The following TICAM2 variants were observed in gnomAD, a reference collection of about 807,000 sequenced individuals.
TICAM2 encodes the protein TIR domain-containing adapter molecule 2.
In TICAM2, 8 loss-of-function variants were observed where a neutral mutation model predicts 7.3. The ratio of observed to expected loss-of-function variants is 1.10; its 90% CI spans 0.65 to 1.99. The LOEUF (loss-of-function observed/expected upper bound fraction) is 1.99, where lower values mean the gene tolerates loss of function less well. TICAM2 is among the 30% of genes most tolerant of loss of function. The pLI is 0.00. For missense variants in TICAM2, 304 were observed against 278.8 expected (o/e 1.09, Z -0.65); for synonymous variants, 113 against 99.6 (o/e 1.13, Z -0.80).
rs1754916043 is a variant in TICAM2, at chr5:115,581,334, CAGA to C, written c.-59-22_-59-20del. On this transcript the variant is annotated intron_variant, in intron 1 of 1. Transcript: ENST00000427199. ...TTTCAATCTAAAAGAAGTAACAAAA[CAGA>C]AGAATATTATAAATTTAATCAAAAC... The C allele has an allele frequency of 1.9e-6, 3 of 1,572,524 alleles. No homozygotes were observed. The highest frequency in any genetic ancestry group is 1.1e-5 in the South Asian group (1 of 87,888).
At chr5:115,596,145 C>G (rs974204084) in intron 1 of TICAM2, among the ~76,000 whole-genome samples, 1 of 152,184 alleles carries the variant, frequency 6.6e-6, no homozygotes, top group Non-Finnish European at 1.5e-5. Context: ...TCCTGTGTAT[C>G]TAACTCTAAC....
intron 1 of TICAM2, among the ~76,000 whole-genome samples, chr5:115,597,290 C>T (rs755782014): frequency 1.3e-5 from 2 of 152,134 alleles, no homozygotes; most frequent in Non-Finnish European, 2.9e-5. Context: ...GCTTAGCTTT[C>T]TCTTGTCATG....
In TICAM2 at chr5:115,580,905, C is replaced by T. The variant is rs772999778; in HGVS notation, c.352G>A (p.Gly118Ser). Residue 118 changes from glycine (G) to serine (S), a missense_variant, in exon 2 of 2, where the codon GGC (glycine) becomes AGC (serine). Physicochemically the swap from Gly to Ser is moderately conservative, Grantham distance 56 (BLOSUM62 0). Coordinates refer to ENST00000427199, the MANE Select transcript of TICAM2 (RefSeq NM_021649.7). ...TCTAAATTCTGTAAATGCTGTCTGCCACATGGCATCTCAGCAAAGATTATT... is the reference window on the plus strand; with the variant it reads ...TCTAAATTCTGTAAATGCTGTCTGCTACATGGCATCTCAGCAAAGATTATT... The part of the protein sequence containing the change: ...PGIIFAEMPC[G>S]RQHLQNLDDA... The T allele has an allele frequency of 2.5e-6, 4 of 1,613,784 alleles. No homozygotes were observed. The highest frequency in any genetic ancestry group is 3.4e-6 in the Non-Finnish European group (4 of 1,179,728).
intron 1 of TICAM2, among the ~76,000 whole-genome samples, chr5:115,600,628 C>A (rs906570017): frequency 1.2e-4 from 18 of 152,014 alleles, no homozygotes; most frequent in African/African-American, 4.1e-4. Context: ...AGGGAGTGAT[C>A]AAATGTTACT....
chr5:115,596,558 G>A (rs891314579), intron 1 of TICAM2, among the ~76,000 whole-genome samples: 1 of 152,160 alleles, frequency 6.6e-6, no homozygotes, highest in Non-Finnish European at 1.5e-5. Context: ...AGCCAGGAAA[G>A]GCCATGAAGG....
intron 1 of TICAM2, among the ~76,000 whole-genome samples, chr5:115,593,971 G>GT (rs1050096441): frequency 3.3e-4 from 49 of 147,236 alleles, no homozygotes; most frequent in African/African-American, 1.1e-3. Flanking sequence ...ATGGTTGATT[G>GT]TTTTTTTATT....
chr5:115,583,229 C>A (rs988039426), intron 1 of TICAM2, among the ~76,000 whole-genome samples: 1 of 140,370 alleles, frequency 7.1e-6, no homozygotes, highest in African/African-American at 2.7e-5. Flanking sequence ...CATCCAGAGG[C>A]ATCTATTTAC....
rs1350576872 is a variant in TICAM2, at chr5:115,580,095, T to C, written c.*454A>G. 6.5e-6 allele frequency: 1 copy of C among 153,864 alleles called. No individual in the cohort carries two copies. Among genetic ancestry groups the C allele is most frequent in the Non-Finnish European group, 1.4e-5 (1 of 69,282 alleles). The allele number at this position is 153,864 out of a possible 1,614,324, so 9.5% of individuals were successfully genotyped here. On this transcript the variant is annotated 3_prime_UTR_variant, in exon 2 of 2. Coordinates refer to ENST00000427199, the MANE Select transcript of TICAM2 (RefSeq NM_021649.7). ...TCTGGCAATTCATATTTCTGGGTGA[T>C]AGTACCCGAATGCTTATTGCAACAT... is the stretch of plus-strand genomic sequence containing the variant.
intron 1 of TICAM2, among the ~76,000 whole-genome samples, chr5:115,593,254 TA>T (rs1398954996): frequency 6.6e-6 from 1 of 152,100 alleles, no homozygotes; most frequent in Non-Finnish European, 1.5e-5. Context: ...AAACTGGAAA[TA>T]AAAGAGTCTT....
intron 1 of TICAM2, among the ~76,000 whole-genome samples, chr5:115,588,593 T>C (rs552297331): frequency 1.9e-4 from 29 of 152,298 alleles, no homozygotes; most frequent in Admixed American, 8.5e-4. Flanking sequence ...TGCTAAAGAA[T>C]TGTTCATCGA....
At chr5:115,596,429 C>T (rs1221053049) in intron 1 of TICAM2, among the ~76,000 whole-genome samples, 3 of 152,192 alleles carry the variant, frequency 2.0e-5, no homozygotes, top group Non-Finnish European at 4.4e-5. Context: ...CAGCTTCAAC[C>T]TCATCTCATG....
Position 115,580,490 on chromosome 5 carries a change from G to T in TICAM2, c.*59C>A. On this transcript the variant is annotated 3_prime_UTR_variant, in exon 2 of 2. Transcript: ENST00000427199. ...CATTTCCTAGAAACTGCTTTCTCAA[G>T]TGAAGATTAATCATTTGGTTTACAA... 1 of 1,480,092 alleles carries T rather than the reference G, an allele frequency of 6.8e-7. No individual in the cohort carries two copies. 91.7% of individuals were successfully genotyped at this position (1,480,092 alleles called of 1,614,324 possible).
At position 115,581,083 on chromosome 5, in the gene TICAM2, C is replaced by T; in HGVS notation, c.174G>A (p.Lys58=). The T allele has an allele frequency of 7.4e-6, 12 of 1,614,208 alleles. No homozygotes were observed. Among genetic ancestry groups the T allele is most frequent in the Middle Eastern group, 1.6e-4 (1 of 6,062 alleles). ...HSNTTEGPTG[K]QEGAQSVEEM... is the part of the protein sequence containing the mutation. ...CTTCCACGCTCTGAGCTCCCTCCTG[C>T]TTTCCTGTTGGCCCCTCTGTTGTAT... The change falls in exon 2 of 2, where the codon AAG becomes AAA. Residue 58 remains lysine (K), a synonymous_variant. Transcript: ENST00000427199.
intron 1 of TICAM2, among the ~76,000 whole-genome samples, chr5:115,586,511 G>A (rs552499470): frequency 2.0e-5 from 3 of 151,740 alleles, no homozygotes; most frequent in East Asian, 1.9e-4. Flanking sequence ...AAAACCAGAA[G>A]AGAGTGGTAC....
chr5:115,591,915 A>G (rs1231669687), intron 1 of TICAM2, among the ~76,000 whole-genome samples: 3 of 152,164 alleles, frequency 2.0e-5, no homozygotes, highest in Non-Finnish European at 4.4e-5. Context: ...AAAACATCAG[A>G]TCACACATTT....
At chr5:115,591,691 A>G (rs1420038621) in intron 1 of TICAM2, among the ~76,000 whole-genome samples, 1 of 152,158 alleles carries the variant, frequency 6.6e-6, no homozygotes, top group Non-Finnish European at 1.5e-5. Context: ...GAACTCATGA[A>G]CTAGAAAACA....
At chr5:115,591,659 T>C (rs1755307432) in intron 1 of TICAM2, among the ~76,000 whole-genome samples, 1 of 152,106 alleles carries the variant, frequency 6.6e-6, no homozygotes. Flanking sequence ...GATTTATCAT[T>C]AGATTAGATC....
chr5:115,595,910 C>A (rs1168625811), intron 1 of TICAM2, among the ~76,000 whole-genome samples: 1 of 152,238 alleles, frequency 6.6e-6, no homozygotes, highest in Non-Finnish European at 1.5e-5. Flanking sequence ...TACTCATCCT[C>A]TGTATATCCA....
At chr5:115,601,881 G>A (rs1755763436) in intron 1 of TICAM2, among the ~76,000 whole-genome samples, 1 of 152,232 alleles carries the variant, frequency 6.6e-6, no homozygotes, top group Non-Finnish European at 1.5e-5. Context: ...AAGGCAGACA[G>A]CTGTGTGGAT....
Sources: allele counts gnomAD v4.1 joint callset (sites outside exome capture counted in the v4.1 genomes callset), GRCh38; gene constraint gnomAD v4.1.1; transcripts MANE v1.5; gene names NCBI Gene and HGNC (gene_info 2026-07-23, HGNC 2026-07-21).